CNTNAP5: variants seen among roughly 807,000 people sequenced by gnomAD.
CNTNAP5 encodes the protein contactin-associated protein-like 5.
A neutral mutation model predicts 150.2 loss-of-function variants in CNTNAP5; 72 were observed. That is an observed-to-expected ratio of 0.48 (90% CI 0.40 to 0.58). The LOEUF is 0.58. CNTNAP5 is among the 20% of genes least tolerant of loss of function. The pLI is 0.00. For missense variants in CNTNAP5, 1,636 were observed against 1,626.2 expected, an observed-to-expected ratio of 1.01 and a Z score of -0.10; for synonymous variants, 672 against 619.8, an observed-to-expected ratio of 1.08 and a Z score of -1.25.
chr2:124,453,697 C>T (rs1031079343), intron 6 of CNTNAP5, among the ~76,000 whole-genome samples: 1 of 152,170 alleles, frequency 6.6e-6, no homozygotes, highest in African/African-American at 2.4e-5. Flanking sequence ...AGCACAAATC[C>T]TACAAGCTAG....
At chr2:124,482,242 C>T (rs1438156770) in intron 7 of CNTNAP5, among the ~76,000 whole-genome samples, 3 of 152,142 alleles carry the variant, frequency 2.0e-5, no homozygotes, top group South Asian at 2.1e-4. Context: ...ACTGGAGGGG[C>T]GGTCAGTGGA....
chr2:124,112,814 A>G (rs1468246883), intron 1 of CNTNAP5, among the ~76,000 whole-genome samples: 1 of 152,170 alleles, frequency 6.6e-6, no homozygotes, highest in East Asian at 1.9e-4. Context: ...TCAACTCTAT[A>G]AACAGAATGT....
intron 1 of CNTNAP5, among the ~76,000 whole-genome samples, chr2:124,146,480 A>ATT (rs530328823): frequency 2.0e-5 from 3 of 147,976 alleles, no homozygotes; most frequent in African/African-American, 7.4e-5. Context: ...ATGTTCACAG[A>ATT]TTTTTTTTTT....
intron 1 of CNTNAP5, among the ~76,000 whole-genome samples, chr2:124,096,386 T>C (rs527747232): frequency 6.6e-6 from 1 of 152,328 alleles, no homozygotes; most frequent in African/African-American, 2.4e-5. Flanking sequence ...CAGTTTTATT[T>C]CATCACTCTC....
chr2:124,900,143 A>G (rs1333069344), intron 21 of CNTNAP5, among the ~76,000 whole-genome samples: 1 of 151,496 alleles, frequency 6.6e-6, no homozygotes, highest in Non-Finnish European at 1.5e-5. Context: ...GGTTGAGAAC[A>G]CATATCCGGA....
At chr2:124,741,350 G>T (rs185012269) in intron 13 of CNTNAP5, among the ~76,000 whole-genome samples, 1 of 152,256 alleles carries the variant, frequency 6.6e-6, no homozygotes, top group East Asian at 1.9e-4. Flanking sequence ...GGCCGTAGCT[G>T]CAGTTATCAC....
intron 3 of CNTNAP5, among the ~76,000 whole-genome samples, chr2:124,393,743 C>T (rs1286818176): frequency 1.3e-5 from 2 of 152,166 alleles, no homozygotes; most frequent in East Asian, 3.9e-4. Context: ...GTAGTTCTGC[C>T]CAGCCCAGGC....
intron 12 of CNTNAP5, among the ~76,000 whole-genome samples, chr2:124,628,287 G>A (rs1677772869): frequency 1.3e-5 from 2 of 152,158 alleles, no homozygotes; most frequent in South Asian, 4.1e-4. Flanking sequence ...TTGAAATGAA[G>A]CAAAAAAATG....
chr2:124,715,410 GCT>G (rs964839325), intron 13 of CNTNAP5, among the ~76,000 whole-genome samples: 12 of 152,020 alleles, frequency 7.9e-5, no homozygotes, highest in African/African-American at 2.2e-4. Flanking sequence ...CTCACTCATT[GCT>G]CTCTGTCATC....
At chr2:124,096,796 C>T (rs759942222) in intron 1 of CNTNAP5, among the ~76,000 whole-genome samples, 2 of 151,984 alleles carry the variant, frequency 1.3e-5, no homozygotes, top group Non-Finnish European at 2.9e-5. Flanking sequence ...CTCCATCTCC[C>T]GGGTTCTAGC....
chr2:124,111,379 G>T (rs1002538150), intron 1 of CNTNAP5, among the ~76,000 whole-genome samples: 2 of 152,134 alleles, frequency 1.3e-5, no homozygotes, highest in African/African-American at 4.8e-5. Flanking sequence ...CTCCTTTCTG[G>T]CTATGATACG....
intron 1 of CNTNAP5, among the ~76,000 whole-genome samples, chr2:124,188,816 C>G (rs1685395533): frequency 6.6e-6 from 1 of 150,720 alleles, no homozygotes; most frequent in Non-Finnish European, 1.5e-5. Context: ...GGAGGGTTAT[C>G]TCAGCACCAG....
chr2:124,419,392 T>G (rs1484184185), intron 4 of CNTNAP5, among the ~76,000 whole-genome samples: 1 of 152,152 alleles, frequency 6.6e-6, no homozygotes, highest in Non-Finnish European at 1.5e-5. Context: ...TTGAAAGATG[T>G]CTTTGAGCAG....
At chr2:124,540,746 T>G (rs1695361727) in intron 10 of CNTNAP5, among the ~76,000 whole-genome samples, 1 of 152,160 alleles carries the variant, frequency 6.6e-6, no homozygotes, top group East Asian at 1.9e-4. Flanking sequence ...TGCCAGGTGC[T>G]GGGTAGAAGC....
rs144711117 is a variant in CNTNAP5 at position 124,388,184 on chromosome 2, G to A, written c.382-29259G>A. Among the ~76,000 whole-genome samples the A allele has an allele frequency of 1.4e-3, 220 of 152,278 alleles. 2 individuals are homozygous for A. Among genetic ancestry groups the A allele is most frequent in the African/African-American group, 5.0e-3 (207 of 41,562 alleles). On this transcript the variant is annotated intron_variant, in intron 3 of 23. Transcript: ENST00000682447. ...TTGTGAGCACAGACTACCTCCTAAA[G>A]GCATCATGTCTCAGGGGCAGGACTC...
At chr2:124,490,135 G>A (rs570868182) in intron 7 of CNTNAP5, among the ~76,000 whole-genome samples, 3 of 152,004 alleles carry the variant, frequency 2.0e-5, no homozygotes, top group South Asian at 2.1e-4. Flanking sequence ...GGAGTTCAAG[G>A]ACAGCCTGGC....
At chr2:124,749,417 TTCTC>T (rs1158043586) in intron 14 of CNTNAP5, among the ~76,000 whole-genome samples, 17 of 149,136 alleles carry the variant, frequency 1.1e-4, no homozygotes, top group Middle Eastern at 3.4e-3. Context: ...CTTCCTTCCT[TTCTC>T]TCTCTCTCTT....
At chr2:124,227,642 G>GTGTGTGTGTGTGTGTA (rs1686496323) in intron 2 of CNTNAP5, among the ~76,000 whole-genome samples, 1 of 100,354 alleles carries the variant, frequency 1.0e-5, no homozygotes, top group Admixed American at 1.2e-4. Context: ...TCGTGTGTAT[G>GTGTGTGTGTGTGTGTA]TGTGTGTGTG....
intron 1 of CNTNAP5, among the ~76,000 whole-genome samples, chr2:124,160,665 T>C (rs1283106009): frequency 6.6e-6 from 1 of 152,132 alleles, no homozygotes; most frequent in African/African-American, 2.4e-5. Context: ...CCTAATGATA[T>C]ACATAATGCA....
Sources: gnomAD v4.1 joint callset for allele counts (sites outside exome capture counted in the v4.1 genomes callset) on GRCh38, gnomAD v4.1.1 for gene constraint, MANE v1.5 for transcripts, NCBI Gene and HGNC (gene_info 2026-07-23, HGNC 2026-07-21) for gene names.